Variants in KCNH5 observed in about 807,000 individuals in gnomAD.
The protein encoded by KCNH5 is voltage-gated delayed rectifier potassium channel KCNH5.
In KCNH5, 46 loss-of-function variants were observed where a neutral mutation model predicts 96.1. That is an observed-to-expected ratio of 0.48 (90% CI 0.38 to 0.61). The LOEUF is 0.61. Ranked by LOEUF, KCNH5 falls within the 20% of genes least tolerant of loss-of-function variation. KCNH5 has a pLI of 0.00. For missense variants in KCNH5, 907 were observed against 1,225.8 expected, an observed-to-expected ratio of 0.74 and a Z score of 3.88; for synonymous variants, 439 against 449.8, an observed-to-expected ratio of 0.98 and a Z score of 0.30.
chr14:62,826,495 C>T (rs571687796), intron 8 of KCNH5, among the ~76,000 whole-genome samples: 6 of 149,928 alleles, frequency 4.0e-5, no homozygotes, highest in Non-Finnish European at 7.4e-5. Flanking sequence ...TATTTTTCTT[C>T]TAATAGGTGA....
At chr14:62,793,369 T>C (rs757900192) in intron 9 of KCNH5, among the ~76,000 whole-genome samples, 5 of 151,790 alleles carry the variant, frequency 3.3e-5, no homozygotes, top group Non-Finnish European at 7.4e-5. Flanking sequence ...ACCTTGATTA[T>C]GGTAATGGTA....
intron 7 of KCNH5, among the ~76,000 whole-genome samples, chr14:62,908,165 AAC>A (rs1228249793): frequency 2.0e-5 from 3 of 152,318 alleles, no homozygotes; most frequent in East Asian, 3.9e-4. Context: ...AGGGGAAAAA[AAC>A]AGTTTGTTAA....
At chr14:62,895,930 G>C (rs931798494) in intron 7 of KCNH5, among the ~76,000 whole-genome samples, 8 of 152,008 alleles carry the variant, frequency 5.3e-5, no homozygotes. Flanking sequence ...ATTTCATTTA[G>C]GTAAAAATTT....
At chr14:62,758,350 C>A (rs948053622) in intron 10 of KCNH5, among the ~76,000 whole-genome samples, 4 of 151,910 alleles carry the variant, frequency 2.6e-5, no homozygotes, top group African/African-American at 2.4e-5. Context: ...ATGCCTGTAC[C>A]AAAATATCCC....
chr14:62,738,223 C>T (rs1167819259), intron 10 of KCNH5, among the ~76,000 whole-genome samples: 3 of 152,256 alleles, frequency 2.0e-5, no homozygotes, highest in East Asian at 1.9e-4. Flanking sequence ...TGATTCCTAT[C>T]CTCAGTGGGA....
intron 5 of KCNH5, among the ~76,000 whole-genome samples, chr14:62,984,862 A>G (rs1416858805): frequency 6.6e-6 from 1 of 152,212 alleles, no homozygotes; most frequent in Non-Finnish European, 1.5e-5. Context: ...GATACAGTGA[A>G]AAAACAATTC....
chr14:62,954,084 T>G (rs1189520055), intron 6 of KCNH5, among the ~76,000 whole-genome samples: 2 of 152,222 alleles, frequency 1.3e-5, no homozygotes, highest in Admixed American at 1.3e-4. Flanking sequence ...CATTCTCAGA[T>G]AGGAGTAGTT....
intron 9 of KCNH5, among the ~76,000 whole-genome samples, chr14:62,797,742 G>A (rs1183288393): frequency 6.7e-6 from 1 of 148,648 alleles, no homozygotes; most frequent in African/African-American, 2.5e-5. Flanking sequence ...TTGAGACAAA[G>A]TCTCACTCTG....
intron 6 of KCNH5, among the ~76,000 whole-genome samples, chr14:62,957,260 C>T (rs1890121687): frequency 6.6e-6 from 1 of 152,194 alleles, no homozygotes; most frequent in African/African-American, 2.4e-5. Flanking sequence ...AATGATAAAG[C>T]CATCCAAAAT....
intron 1 of KCNH5, among the ~76,000 whole-genome samples, chr14:63,024,743 C>T (rs557651027): frequency 1.4e-4 from 21 of 151,948 alleles, no homozygotes; most frequent in Non-Finnish European, 3.1e-4. Context: ...CTGAATAGAC[C>T]AATAACAAAT....
chr14:62,796,090 C>A (rs1886535307), intron 9 of KCNH5, among the ~76,000 whole-genome samples: 1 of 152,158 alleles, frequency 6.6e-6, no homozygotes, highest in East Asian at 1.9e-4. Flanking sequence ...CCAAATGGCC[C>A]CATAAGCCAT....
At chr14:62,791,258 G>A (rs1189980331) in intron 9 of KCNH5, among the ~76,000 whole-genome samples, 1 of 151,706 alleles carries the variant, frequency 6.6e-6, no homozygotes, top group East Asian at 1.9e-4. Context: ...TATAGTAGCA[G>A]TATGTAAATC....
At chr14:62,803,765 G>T (rs530236630) in intron 8 of KCNH5, among the ~76,000 whole-genome samples, 1 of 152,018 alleles carries the variant, frequency 6.6e-6, no homozygotes, top group Non-Finnish European at 1.5e-5. Context: ...ATGTGATTGC[G>T]GAAGTTAATA....
intron 7 of KCNH5, among the ~76,000 whole-genome samples, chr14:62,862,303 GT>G (rs1308673576): frequency 6.6e-6 from 1 of 152,090 alleles, no homozygotes; most frequent in Non-Finnish European, 1.5e-5. Flanking sequence ...AACCTAAATA[GT>G]TTGGGGTCCT....
At chr14:62,756,694 T>G (rs938334735) in intron 10 of KCNH5, among the ~76,000 whole-genome samples, 1 of 152,102 alleles carries the variant, frequency 6.6e-6, no homozygotes, top group Non-Finnish European at 1.5e-5. Flanking sequence ...GAACATACAA[T>G]GAGGAAAAGA....
intron 6 of KCNH5, among the ~76,000 whole-genome samples, chr14:62,959,173 T>A (rs1457604860): frequency 2.0e-5 from 3 of 152,002 alleles, no homozygotes. Context: ...GTAAATAGCA[T>A]AATAATTCCC....
chr14:62,825,016 A>G (rs926232022), intron 8 of KCNH5, among the ~76,000 whole-genome samples: 3 of 151,990 alleles, frequency 2.0e-5, no homozygotes. Flanking sequence ...ATTGATGGGC[A>G]CTTAGGTTGA....
chr14:62,989,598 G>C (rs1362115608), intron 4 of KCNH5, among the ~76,000 whole-genome samples: 1 of 151,940 alleles, frequency 6.6e-6, no homozygotes, highest in Non-Finnish European at 1.5e-5. Flanking sequence ...ACAAGTGAGA[G>C]GTGCCCTCCT....
intron 2 of KCNH5, among the ~76,000 whole-genome samples, chr14:63,015,067 CA>C (rs1407956445): frequency 6.6e-6 from 1 of 152,068 alleles, no homozygotes; most frequent in Non-Finnish European, 1.5e-5. Flanking sequence ...TCCCATTTAC[CA>C]ATTTCCATAC....
Sources: gnomAD v4.1 joint callset for allele counts (sites outside exome capture counted in the v4.1 genomes callset) on GRCh38, gnomAD v4.1.1 for gene constraint, MANE v1.5 for transcripts, NCBI Gene and HGNC (gene_info 2026-07-23, HGNC 2026-07-21) for gene names.